The following PCED1B variants were observed in gnomAD, a reference collection of about 807,000 sequenced individuals.
The protein encoded by PCED1B is PC-esterase domain containing 1B.
For synonymous variants in PCED1B, 251 were observed against 246.1 expected, an observed-to-expected ratio of 1.02 and a Z score of -0.19; for missense variants, 573 against 573.9, an observed-to-expected ratio of 1.00 and a Z score of 0.02.
At chr12:47,090,432 C>G (rs1280938560) in intron 1 of PCED1B, among the ~76,000 whole-genome samples, 1 of 152,182 alleles carries the variant, frequency 6.6e-6, no homozygotes, top group Non-Finnish European at 1.5e-5. Context: ...AAGTTAAGTT[C>G]TGTCCAATCC....
At chr12:47,104,041 C>A (rs899032766) in intron 1 of PCED1B, 72 bp from the exon 2 acceptor site, 1 of 152,146 alleles carries the variant, frequency 6.6e-6, no homozygotes, top group Non-Finnish European at 1.5e-5. Context: ...CCTTTTGTTT[C>A]ACTAGACAGT....
intron 1 of PCED1B, among the ~76,000 whole-genome samples, chr12:47,089,711 T>C (rs1938181055): frequency 6.6e-6 from 1 of 151,666 alleles, no homozygotes; most frequent in Non-Finnish European, 1.5e-5. Context: ...AGACCAAATA[T>C]TTAGATGGGC....
In PCED1B at chr12:47,235,076, C is replaced by G. The variant is rs1943929538; in HGVS notation, c.13C>G (p.Arg5Gly). MILL[R>G]ASEVRQLLHN... is the part of the protein sequence containing the mutation. ...CGCCCTGGGCGTCATGATCCTTCTGCGGGCCTCCGAAGTGCGGCAGCTGCT... is the reference window on the plus strand; with the variant it reads ...CGCCCTGGGCGTCATGATCCTTCTGGGGGCCTCCGAAGTGCGGCAGCTGCT... Residue 5 changes from arginine to glycine, a missense_variant, in exon 4 of 4, where the codon CGG (arginine) becomes GGG (glycine). By Grantham distance (125) the Arg-to-Gly change is moderately radical. Transcript: ENST00000546455. 1 of 1,526,554 alleles carries G rather than the reference C, an allele frequency of 6.6e-7. No individual in the cohort carries two copies. Among genetic ancestry groups the G allele is most frequent in the African/African-American group, 1.4e-5 (1 of 71,956 alleles). The allele number at this position is 1,526,554 out of a possible 1,614,324, so 94.6% of individuals were successfully genotyped here. A position where few individuals can be genotyped will look rare whatever the true frequency, so the allele number is the denominator to read the frequency against.
intron 1 of PCED1B, among the ~76,000 whole-genome samples, chr12:47,102,902 A>C (rs1938774608): frequency 6.6e-6 from 1 of 152,232 alleles, no homozygotes; most frequent in Admixed American, 6.5e-5. Context: ...TATATGGTGA[A>C]GGTAATGGTT....
chr12:47,215,021 G>C (rs1362990429), intron 2 of PCED1B, among the ~76,000 whole-genome samples: 2 of 151,760 alleles, frequency 1.3e-5, no homozygotes, highest in East Asian at 3.9e-4. Flanking sequence ...CAAGGACCTG[G>C]GATTACGGGA....
chr12:47,166,291 T>G (rs1420056301), intron 2 of PCED1B, among the ~76,000 whole-genome samples: 1 of 152,242 alleles, frequency 6.6e-6, no homozygotes, highest in African/African-American at 2.4e-5. Flanking sequence ...TGACTTTGGT[T>G]GAGCCGGGCA....
intron 2 of PCED1B, among the ~76,000 whole-genome samples, chr12:47,131,805 A>T (rs1940141443): frequency 6.6e-6 from 1 of 151,484 alleles, no homozygotes; most frequent in African/African-American, 2.4e-5. Flanking sequence ...AGTAGCTGGG[A>T]TTACAGGCAT....
At chr12:47,171,286 A>G (rs1941725517) in intron 2 of PCED1B, among the ~76,000 whole-genome samples, 1 of 152,038 alleles carries the variant, frequency 6.6e-6, no homozygotes, top group Non-Finnish European at 1.5e-5. Context: ...AGGCTGGTCT[A>G]GAACTCCAGA....
intron 2 of PCED1B, among the ~76,000 whole-genome samples, chr12:47,111,934 G>A (rs1190595027): frequency 1.8e-4 from 28 of 152,278 alleles, no homozygotes; most frequent in African/African-American, 6.3e-4. Context: ...TGGGTTCTCT[G>A]ATCGCTCAAA....
intron 1 of PCED1B, among the ~76,000 whole-genome samples, chr12:47,103,229 C>A (rs1938794260): frequency 6.6e-6 from 1 of 152,168 alleles, no homozygotes; most frequent in Non-Finnish European, 1.5e-5. Flanking sequence ...TGAGCAGATG[C>A]ATATTTATAG....
At chr12:47,163,828 A>C (rs759940990) in intron 2 of PCED1B, among the ~76,000 whole-genome samples, 27 of 152,208 alleles carry the variant, frequency 1.8e-4, no homozygotes, top group Non-Finnish European at 3.5e-4. Flanking sequence ...GTGAGGCTAC[A>C]TTCTGGCTAA....
chr12:47,102,118 CTCA>C (rs1423299475), intron 1 of PCED1B, among the ~76,000 whole-genome samples: 2 of 152,164 alleles, frequency 1.3e-5, no homozygotes, highest in Non-Finnish European at 2.9e-5. Context: ...ATGTTATAGA[CTCA>C]TCAACTACCT....
chr12:47,175,853 T>G (rs1941907053), intron 2 of PCED1B, among the ~76,000 whole-genome samples: 1 of 151,986 alleles, frequency 6.6e-6, no homozygotes, highest in Middle Eastern at 3.2e-3. Flanking sequence ...TTTACAGGCG[T>G]GAGTCACTGT....
intron 2 of PCED1B, among the ~76,000 whole-genome samples, chr12:47,165,125 T>TTA (rs149736896): frequency 3.9e-5 from 6 of 152,328 alleles, no homozygotes; most frequent in Non-Finnish European, 7.4e-5. Flanking sequence ...CCAACTGGGA[T>TTA]TATTTTGCTC....
At chr12:47,186,915 C>T (rs1259554882) in intron 2 of PCED1B, among the ~76,000 whole-genome samples, 3 of 152,108 alleles carry the variant, frequency 2.0e-5, no homozygotes, top group Non-Finnish European at 4.4e-5. Context: ...ATGCCCAAAC[C>T]AAGAACAACC....
chr12:47,208,133 AGGTGTCAAGGT>A (rs1942966034), intron 2 of PCED1B, among the ~76,000 whole-genome samples: 1 of 152,206 alleles, frequency 6.6e-6, no homozygotes. Context: ...TGACTCCACC[AGGTGTCAAGGT>A]CTCTGAACCG....
At chr12:47,217,006 G>A (rs1489279724) in intron 3 of PCED1B, among the ~76,000 whole-genome samples, 1 of 152,168 alleles carries the variant, frequency 6.6e-6, no homozygotes, top group Non-Finnish European at 1.5e-5. Context: ...CAAAGGCTTG[G>A]CATCAGGTTT....
intron 1 of PCED1B, among the ~76,000 whole-genome samples, chr12:47,086,007 C>A (rs185976974): frequency 6.6e-6 from 1 of 152,302 alleles, no homozygotes; most frequent in African/African-American, 2.4e-5. Context: ...CGGATATTTA[C>A]TGAGCGCCCA....
intron 2 of PCED1B, among the ~76,000 whole-genome samples, chr12:47,144,560 G>A (rs1372607826): frequency 6.6e-6 from 1 of 152,104 alleles, no homozygotes; most frequent in Non-Finnish European, 1.5e-5. Flanking sequence ...TTTCTAAAAA[G>A]GGCATTGTCA....
Sources: gnomAD v4.1 joint callset for allele counts (sites outside exome capture counted in the v4.1 genomes callset) on GRCh38, gnomAD v4.1.1 for gene constraint, MANE v1.5 for transcripts, NCBI Gene and HGNC (gene_info 2026-07-23, HGNC 2026-07-21) for gene names.